The following KIAA1217 variants were observed in gnomAD, a reference collection of about 807,000 sequenced individuals.
The protein encoded by KIAA1217 is sickle tail protein homolog.
A neutral mutation model predicts 163.9 loss-of-function variants in KIAA1217; 88 were observed. That is an observed-to-expected ratio of 0.54 (90% CI 0.45 to 0.64). The LOEUF (loss-of-function observed/expected upper bound fraction) is 0.64. Among genes scored for constraint, KIAA1217 ranks in the 30% least tolerant of loss-of-function variants. The pLI is 0.00. For synonymous variants in KIAA1217, 903 were observed against 923.1 expected, an observed-to-expected ratio of 0.98 and a Z score of 0.39; for missense variants, 2,372 against 2,475.0, an observed-to-expected ratio of 0.96 and a Z score of 0.88.
intron 2 of KIAA1217, among the ~76,000 whole-genome samples, chr10:24,188,642 G>A (rs971328560): frequency 6.6e-6 from 1 of 152,176 alleles, no homozygotes; most frequent in African/African-American, 2.4e-5. Context: ...CTTCTGTAGG[G>A]AAAGAAAGAT....
intron 2 of KIAA1217, among the ~76,000 whole-genome samples, chr10:24,141,487 G>A (rs1343719041): frequency 6.6e-6 from 1 of 152,154 alleles, no homozygotes; most frequent in Non-Finnish European, 1.5e-5. Context: ...GGACTATGTT[G>A]CAGAGATATT....
rs370575961 is a variant in KIAA1217 at position 24,521,826 on chromosome 10, A to G, written c.2353A>G (p.Ile785Val). The change falls in exon 12 of 21, where the codon ATA becomes GTA. Residue 785 changes from isoleucine to valine, a missense_variant. By Grantham distance (29) the Ile-to-Val change is conservative (BLOSUM62 3). Transcript: ENST00000376454. ...AAACAAGATGCGAGCCATCCTGCGC[A>G]TAGAAGTGGAGGCCGTGCGGTTTCT... ...LQNKMRAILR[I>V]EVEAVRFLKE... 2.3e-5 allele frequency: 37 copies of G among 1,613,868 alleles called. No individual in the cohort carries two copies. The highest frequency in any genetic ancestry group is 2.0e-4 in the Admixed American group (12 of 60,020).
At chr10:23,800,906 A>G (rs1333277632) in intron 1 of KIAA1217, among the ~76,000 whole-genome samples, 1 of 152,174 alleles carries the variant, frequency 6.6e-6, no homozygotes, top group African/African-American at 2.4e-5. Flanking sequence ...CCATTGTGGA[A>G]CATAGTGTGG....
upstream of KIAA1217, among the ~76,000 whole-genome samples, chr10:24,205,243 G>A (rs948017179): frequency 6.8e-5 from 10 of 147,600 alleles, no homozygotes; most frequent in African/African-American, 1.5e-4. Flanking sequence ...AATTACCTGC[G>A]GTCAGGAGTT....
chr10:23,852,655 T>A (rs1040970642), intron 1 of KIAA1217, among the ~76,000 whole-genome samples: 1 of 152,216 alleles, frequency 6.6e-6, no homozygotes, highest in African/African-American at 2.4e-5. Flanking sequence ...GAGCATGGAA[T>A]GTTCTTCCAT....
chr10:24,147,859 A>AAAAAG (rs1564755545), intron 2 of KIAA1217, among the ~76,000 whole-genome samples: 31 of 146,100 alleles, frequency 2.1e-4, no homozygotes, highest in African/African-American at 7.5e-4. Flanking sequence ...AAAAAAAAAA[A>AAAAAG]AAAGAAAGAA....
intron 2 of KIAA1217, among the ~76,000 whole-genome samples, chr10:24,201,741 G>T (rs2067266005): frequency 6.6e-6 from 1 of 152,148 alleles, no homozygotes; most frequent in Admixed American, 6.5e-5. Flanking sequence ...GGTGGGGAGA[G>T]AAAAATAAAA....
Position 24,196,541 on chromosome 10 carries a change from T to C in KIAA1217, c.-170-23085T>C, listed in dbSNP as rs11818029. 2.0e-3 allele frequency among the ~76,000 whole-genome samples: 305 copies of C among 152,304 alleles called. 3 individuals carry two copies. Among genetic ancestry groups the C allele is most frequent in the African/African-American group, 7.1e-3 (297 of 41,574 alleles). ...AGGGAGAAGAAATCCAAGAATGCTT[T>C]CATTGGAAATTCAGGAAAAAGTTTA... is the stretch of plus-strand genomic sequence containing the variant. On this transcript the variant is annotated intron_variant, in intron 2 of 18. Coordinates refer to the KIAA1217 transcript ENST00000376462.
At chr10:24,390,464 G>GAGGGAGA (rs2054715948) in intron 3 of KIAA1217, among the ~76,000 whole-genome samples, 3 of 95,660 alleles carry the variant, frequency 3.1e-5, no homozygotes, top group African/African-American at 1.1e-4. Flanking sequence ...AAAAAAGGAG[G>GAGGGAGA]GAGGGAGGGA....
chr10:24,081,965 A>G (rs2061551906), intron 2 of KIAA1217, among the ~76,000 whole-genome samples: 1 of 152,290 alleles, frequency 6.6e-6, no homozygotes, highest in East Asian at 1.9e-4. Context: ...ACCTCACAGG[A>G]TCAAGTCTAC....
rs762756163 is a variant in KIAA1217, at chr10:24,543,793, C to T, written c.4523C>T (p.Pro1508Leu). The T allele has an allele frequency of 6.8e-6, 11 of 1,613,560 alleles. No homozygotes were observed. Among genetic ancestry groups the T allele is most frequent in the Admixed American group, 1.7e-5 (1 of 59,950 alleles). ...TSQMSHKKVA[P>L]GNLRTGQQVE... The stretch of plus-strand genomic sequence containing the variant: ...CAGATGTCTCATAAGAAGGTGGCCC[C>T]AGGCAATCTTAGAACCGGACAACAG... The change falls in exon 19 of 21, where the codon CCA (proline) becomes CTA (leucine). Residue 1508 changes from proline to leucine, a missense_variant. Pro to Leu is a moderately conservative substitution (Grantham distance 98). Transcript: ENST00000376454.
At chr10:24,293,211 TTTGTTG>T (rs566985954) in intron 2 of KIAA1217, among the ~76,000 whole-genome samples, 3 of 151,876 alleles carry the variant, frequency 2.0e-5, no homozygotes, top group African/African-American at 7.3e-5. Context: ...CCCGGCTAAT[TTTGTTG>T]TTGTTGTTGT....
At chr10:24,449,481 G>T (rs1464399982) in intron 5 of KIAA1217, 1 of 985,260 alleles carries the variant, frequency 1.0e-6, no homozygotes, top group Admixed American at 6.2e-5. Flanking sequence ...TTTTAGTTAT[G>T]CTGATTTCCG....
At chr10:23,938,728 G>T (rs187082871) in intron 1 of KIAA1217, among the ~76,000 whole-genome samples, 2,345 of 152,130 alleles carry the variant, frequency 0.015, 69 homozygotes, top group African/African-American at 0.052. Context: ...TATATAAGGG[G>T]CTTGAGCATC....
At chr10:24,540,130 G>A (rs1038720768) in intron 17 of KIAA1217, among the ~76,000 whole-genome samples, 2 of 152,186 alleles carry the variant, frequency 1.3e-5, no homozygotes, top group Non-Finnish European at 2.9e-5. Context: ...AGTATAGGTC[G>A]TGTGAAAACC....
chr10:24,313,194 G>A (rs1378839572), intron 2 of KIAA1217, among the ~76,000 whole-genome samples: 2 of 152,130 alleles, frequency 1.3e-5, no homozygotes, highest in Non-Finnish European at 2.9e-5. Context: ...AGAGCGGGAC[G>A]TATTTTGCAG....
At chr10:23,726,354 CAT>C (rs1311635489) in intron 1 of KIAA1217, among the ~76,000 whole-genome samples, 1 of 148,988 alleles carries the variant, frequency 6.7e-6, no homozygotes, top group Non-Finnish European at 1.5e-5. Context: ...CTTCAGATTA[CAT>C]GTTTATTTTA....
intron 2 of KIAA1217, among the ~76,000 whole-genome samples, chr10:24,021,993 T>A (rs1457553259): frequency 6.6e-6 from 1 of 151,578 alleles, no homozygotes; most frequent in African/African-American, 2.4e-5. Context: ...TTCTAAAAGA[T>A]AATATAGGAG....
At chr10:23,718,517 T>C (rs894116094) in intron 1 of KIAA1217, among the ~76,000 whole-genome samples, 3 of 152,128 alleles carry the variant, frequency 2.0e-5, no homozygotes, top group Admixed American at 6.5e-5. Flanking sequence ...AGTTTTAAAA[T>C]TGCATAATGT....
Sources: allele counts gnomAD v4.1 joint callset (sites outside exome capture counted in the v4.1 genomes callset), GRCh38; gene constraint gnomAD v4.1.1; transcripts MANE v1.5; gene names NCBI Gene and HGNC (gene_info 2026-07-23, HGNC 2026-07-21).